Variants in ABHD14A observed in about 807,000 individuals in gnomAD.
ABHD14A encodes protein ABHD14A.
A neutral mutation model predicts 27.0 loss-of-function variants in ABHD14A; 19 were observed. The ratio of observed to expected loss-of-function variants is 0.70; its 90% CI spans 0.49 to 1.03. ABHD14A has a LOEUF of 1.03. ABHD14A is among the 50% of genes least tolerant of loss of function. ABHD14A has a pLI of 0.00. For synonymous variants in ABHD14A, 148 were observed against 158.8 expected, an observed-to-expected ratio of 0.93 and a Z score of 0.51; for missense variants, 311 against 344.6, an observed-to-expected ratio of 0.90 and a Z score of 0.77.
intron 3 of ABHD14A, 52 bp downstream of exon 3, chr3:51,978,426 C>G (rs1700837559): frequency 3.5e-6 from 5 of 1,419,066 alleles, no homozygotes; most frequent in Non-Finnish European, 4.9e-6. Flanking sequence ...GGCTGGGAGG[C>G]AACTGGACCC....
chr3:51,979,675 G>A (rs1377471453), intron 3 of ABHD14A, among the ~76,000 whole-genome samples: 3 of 151,768 alleles, frequency 2.0e-5, no homozygotes, highest in South Asian at 2.1e-4. Flanking sequence ...AGTAGAGACA[G>A]GGTTTCACCA....
At position 51,975,114 on chromosome 3, in the gene ABHD14A, CCG is replaced by C; in HGVS notation, c.-19_-18del. ...CCTGGCCGCCTAGAGCCGGAGCGGC[CCG>C]CGGAGCTGCGGAGGCAGCCATGGTC... is the stretch of plus-strand genomic sequence containing the variant. On this transcript the variant is annotated 5_prime_UTR_variant, in exon 1 of 5. Coordinates refer to ENST00000273596, the MANE Select transcript of ABHD14A (RefSeq NM_015407.5). 1.5e-6 allele frequency: 2 copies of C among 1,292,054 alleles called. No individual in the cohort carries two copies. The highest frequency in any genetic ancestry group is 4.2e-5 in the Admixed American group (1 of 24,068). The allele number at this position is 1,292,054 out of a possible 1,614,324, so 80.0% of individuals were successfully genotyped here.
chr3:51,978,215 C>G, intron 2 of ABHD14A, 44 bp from the exon 3 acceptor site: 1 of 1,534,552 alleles, frequency 6.5e-7, no homozygotes, highest in Non-Finnish European at 8.8e-7. Context: ...GAAAGGTGGG[C>G]TACACCAGGT....
Position 51,980,430 on chromosome 3 carries a change from A to G in ABHD14A, c.435A>G (p.Thr145=). 1 of 1,613,966 alleles carries G rather than the reference A, an allele frequency of 6.2e-7. No homozygotes were observed. Among genetic ancestry groups the G allele is most frequent in the Non-Finnish European group, 8.5e-7 (1 of 1,180,038 alleles). Residue 145 remains threonine, a synonymous_variant, in exon 4 of 5, where the codon ACA becomes ACG. Transcript: ENST00000273596. ...GNSAPSKEAS[T]EAGRAALLER... ...CGGCACCTTCAAAGGAGGCAAGCACAGAGGCAGGGCGGGCAGCGCTGCTGG... is the reference window on the plus strand; with the variant it reads ...CGGCACCTTCAAAGGAGGCAAGCACGGAGGCAGGGCGGGCAGCGCTGCTGG...
chr3:51,975,933 C>T (rs1168861840), intron 1 of ABHD14A, among the ~76,000 whole-genome samples: 1 of 152,248 alleles, frequency 6.6e-6, no homozygotes, highest in Middle Eastern at 3.2e-3. Flanking sequence ...TGACCTAACC[C>T]GGGCACAGTT....
At chr3:51,975,526 T>G (rs949849884) in intron 1 of ABHD14A, among the ~76,000 whole-genome samples, 2 of 151,772 alleles carry the variant, frequency 1.3e-5, no homozygotes, top group African/African-American at 4.8e-5. Context: ...TATTTCTGTG[T>G]GCGTGTGATT....
chr3:51,981,001 C>T lies in ABHD14A; in HGVS notation c.799C>T (p.Leu267Phe). 1.2e-6 allele frequency: 2 copies of T among 1,612,932 alleles called. No homozygotes were observed. The highest frequency in any genetic ancestry group is 1.7e-4 in the Middle Eastern group (1 of 6,060). ...CTTCCACCTTGTCCTGCTTGCCTTC[C>T]TTGACCATCTACCTTGAACTAACCC... ...QDFHLVLLAFLDHLP is the reference protein window; with the variant it reads ...QDFHLVLLAFFDHLP Residue 267 changes from leucine (L) to phenylalanine (F), a missense_variant, in exon 5 of 5, where the codon CTT becomes TTT. Transcript: ENST00000273596.
intron 3 of ABHD14A, 146 bp downstream of exon 3, chr3:51,978,520 TAC>T: frequency 1.9e-6 from 1 of 530,578 alleles, no homozygotes; most frequent in Non-Finnish European, 3.3e-6. Context: ...CTATGAAAAC[TAC>T]AGTGTGAATT....
Position 51,980,447 on chromosome 3 carries a change from CG to C in ABHD14A, c.453del (p.Leu152CysfsTer17). 2 of 1,613,354 alleles carry C rather than the reference CG, an allele frequency of 1.2e-6. No individual in the cohort carries two copies. Among genetic ancestry groups the C allele is most frequent in the Non-Finnish European group, 1.7e-6 (2 of 1,179,992 alleles). On this transcript the variant is annotated frameshift_variant, in exon 4 of 5. Coordinates refer to ENST00000273596, the MANE Select transcript of ABHD14A (RefSeq NM_015407.5). LOFTEE classifies it high-confidence loss of function. ...KEASTEAGRA[A>X]LLERALRDLE... ...GCAAGCACAGAGGCAGGGCGGGCAGCGCTGCTGGAGCGGGCGCTGCGGGACC... is the reference window on the plus strand; with the variant it reads ...GCAAGCACAGAGGCAGGGCGGGCAGCCTGCTGGAGCGGGCGCTGCGGGACC...
chr3:51,976,504 G>A (rs1329061713), intron 1 of ABHD14A, among the ~76,000 whole-genome samples: 1 of 152,072 alleles, frequency 6.6e-6, no homozygotes, highest in Non-Finnish European at 1.5e-5. Flanking sequence ...GTGAAACCCT[G>A]TCTCTACTAA....
Position 51,980,213 on chromosome 3 carries a change from C to T in ABHD14A, c.398-180C>T, listed in dbSNP as rs146674474. 5.4e-3 allele frequency: 3,876 copies of T among 714,898 alleles called. 106 individuals carry two copies. Among genetic ancestry groups the T allele is most frequent in the African/African-American group, 0.053 (3,035 of 57,452 alleles). 44.3% of individuals were successfully genotyped at this position (714,898 alleles called of 1,614,324 possible). ...CTGGGATTACAGGCGTGAGCCACCA[C>T]TCTCGGCCAAGATATGCTTTTCTAA... is the stretch of plus-strand genomic sequence containing the variant. On this transcript the variant is annotated intron_variant, in intron 3 of 4. Coordinates refer to ENST00000273596, the MANE Select transcript of ABHD14A (RefSeq NM_015407.5).
intron 1 of ABHD14A, among the ~76,000 whole-genome samples, chr3:51,977,022 C>G (rs1406430191): frequency 6.6e-6 from 1 of 152,004 alleles, no homozygotes; most frequent in Non-Finnish European, 1.5e-5. Flanking sequence ...CGGCATTCAT[C>G]TCTCCAACCT....
In ABHD14A at chr3:51,981,036, T is replaced by C. The variant is rs764260930; in HGVS notation, c.*18T>C. The C allele has an allele frequency of 5.0e-6, 8 of 1,598,710 alleles. No individual in the cohort carries two copies. In the East Asian group the frequency reaches 1.8e-4, roughly 36 times the overall value. ...TACCTTGAACTAACCCACTCCCAGC[T>C]CCCAGCCTGGCATGAGCTTGGACAG... On this transcript the variant is annotated 3_prime_UTR_variant, in exon 5 of 5. Coordinates refer to ENST00000273596, the MANE Select transcript of ABHD14A (RefSeq NM_015407.5).
chr3:51,980,636 G>C lies in ABHD14A; in HGVS notation c.633+8G>C. 1 of 1,611,268 alleles carries C rather than the reference G, an allele frequency of 6.2e-7. No homozygotes were observed. Among genetic ancestry groups the C allele is most frequent in the Non-Finnish European group, 8.5e-7 (1 of 1,178,176 alleles). ...CAATTCTGGGCTGTGAAGGTACTGG[G>C]AGAAGGATCTCAAAGGTCCTGGCAC... On this transcript the variant is annotated splice_region_variant and intron_variant, in intron 4 of 4. Transcript: ENST00000273596.
rs761452635 is a variant in ABHD14A at position 51,980,893 on chromosome 3, C to G, written c.691C>G (p.Arg231Gly). Residue 231 changes from arginine (R) to glycine (G), a missense_variant, in exon 5 of 5, where the codon CGG (arginine) becomes GGG (glycine). Physicochemically the swap from Arg to Gly is moderately radical, Grantham distance 125 (BLOSUM62 -2). Coordinates refer to ENST00000273596, the MANE Select transcript of ABHD14A (RefSeq NM_015407.5). Reference protein sequence around the residue: ...LDHILARESLRQLRHLPNHSV... With the variant: ...LDHILARESLGQLRHLPNHSV... ...CCACATCCTGGCTCGAGAGTCACTG[C>G]GGCAGCTCCGCCACCTGCCCAACCA... is the stretch of plus-strand genomic sequence containing the variant. 3.7e-6 allele frequency: 6 copies of G among 1,614,126 alleles called. No homozygotes were observed. Among genetic ancestry groups the G allele is most frequent in the Non-Finnish European group, 5.1e-6 (6 of 1,180,020 alleles).
intron 1 of ABHD14A, 75 bp from the exon 2 acceptor site, chr3:51,977,796 G>C: frequency 7.3e-7 from 1 of 1,371,740 alleles, no homozygotes; most frequent in Non-Finnish European, 1.0e-6. Flanking sequence ...ACTCTGGGTG[G>C]GGTTTTGGGA....
At chr3:51,980,675 T>TG (rs753007139) in intron 4 of ABHD14A, 47 bp downstream of exon 4, 27 of 1,590,568 alleles carry the variant, frequency 1.7e-5, no homozygotes, top group African/African-American at 5.4e-5. Context: ...GTCTGTGGCT[T>TG]GGGGGGGTTC....
Position 51,977,963 on chromosome 3 carries a change from C to A in ABHD14A, c.162C>A (p.Gly54=). The A allele has an allele frequency of 6.2e-7, 1 of 1,614,094 alleles. No homozygotes were observed. Among genetic ancestry groups the A allele is most frequent in the Non-Finnish European group, 8.5e-7 (1 of 1,180,030 alleles). Residue 54 remains glycine, a synonymous_variant, in exon 2 of 5, where the codon GGC becomes GGA. Coordinates refer to ENST00000273596, the MANE Select transcript of ABHD14A (RefSeq NM_015407.5). ...LMLLLYVGLP[G]PPEQTSCLWG... ...TCCTACTGTATGTGGGGCTGCCAGG[C>A]CCCCCTGAGCAGACTTCCTGCCTCT...
intron 1 of ABHD14A, among the ~76,000 whole-genome samples, chr3:51,975,599 G>T (rs1700772779): frequency 6.6e-6 from 1 of 151,960 alleles, no homozygotes; most frequent in Non-Finnish European, 1.5e-5. Context: ...GTGTGTGCGT[G>T]TCTGCTTTCC....
Sources: allele counts gnomAD v4.1 joint callset (sites outside exome capture counted in the v4.1 genomes callset), GRCh38; gene constraint gnomAD v4.1.1; transcripts MANE v1.5; gene names NCBI Gene and HGNC (gene_info 2026-07-23, HGNC 2026-07-21).